The following ARL8B variants were observed in gnomAD, a reference collection of about 807,000 sequenced individuals.
ARL8B encodes ADP-ribosylation factor-like protein 8B.
In ARL8B, 9 loss-of-function variants were observed where a neutral mutation model predicts 30.6. That is an observed-to-expected ratio of 0.29 (90% CI 0.18 to 0.51). The LOEUF (loss-of-function observed/expected upper bound fraction) is 0.51, where lower values mean the gene tolerates loss of function less well. Ranked by LOEUF, ARL8B falls within the 20% of genes least tolerant of loss-of-function variation. The pLI is 0.97. For missense variants in ARL8B, 130 were observed against 227.2 expected (o/e 0.57, Z 2.75); for synonymous variants, 74 against 76.0 (o/e 0.97, Z 0.14).
intron 1 of ARL8B, among the ~76,000 whole-genome samples, chr3:5,129,249 A>T (rs907167356): frequency 6.6e-6 from 1 of 151,996 alleles, no homozygotes; most frequent in African/African-American, 2.4e-5. Context: ...ATCTTGGCAC[A>T]CTGCAACCTC....
rs1287957624 is a variant in ARL8B, at chr3:5,166,353, T to A, written c.124-4150T>A. On this transcript the variant is annotated intron_variant, in intron 1 of 6. Coordinates refer to ENST00000256496, the MANE Select transcript of ARL8B (RefSeq NM_018184.3). ...GCGCCTGGCTGGTATCTTTCGTTTT[T>A]TTTTTTTTTTTTTTGGTAATGCTCT... Among the ~76,000 whole-genome samples, 3 of 147,820 alleles carry A rather than the reference T, an allele frequency of 2.0e-5. No homozygotes were observed. The East Asian group carries it at 5.9e-4, about 29-fold the overall frequency.
chr3:5,122,452 T>C lies in ARL8B; in HGVS notation c.-14T>C. ...CGTCCGTCCTCCCGTCCGTTCTCGC[T>C]CCCGGCCGCCATCATGCTGGCGCTC... is the stretch of plus-strand genomic sequence containing the variant. On this transcript the variant is annotated 5_prime_UTR_variant, in exon 1 of 7. Coordinates refer to ENST00000256496, the MANE Select transcript of ARL8B (RefSeq NM_018184.3). The C allele has an allele frequency of 6.2e-7, 1 of 1,612,378 alleles. No individual in the cohort carries two copies. The highest frequency in any genetic ancestry group is 1.1e-5 in the South Asian group (1 of 91,006).
intron 1 of ARL8B, among the ~76,000 whole-genome samples, chr3:5,169,840 A>G (rs1271739967): frequency 6.6e-6 from 1 of 152,234 alleles, no homozygotes; most frequent in East Asian, 1.9e-4. Flanking sequence ...TCTGAAGTTA[A>G]TAAAACTCCA....
At chr3:5,128,511 A>G (rs1180233451) in intron 1 of ARL8B, 9 of 445,232 alleles carry the variant, frequency 2.0e-5, no homozygotes, top group Admixed American at 7.5e-5. Context: ...TTAGAGTGCA[A>G]TAATGCATTC....
intron 1 of ARL8B, among the ~76,000 whole-genome samples, chr3:5,148,478 C>T (rs1333823887): frequency 6.6e-6 from 1 of 152,196 alleles, no homozygotes; most frequent in Admixed American, 6.5e-5. Context: ...TCTAACCCTC[C>T]TGCTGCCCCT....
chr3:5,152,883 C>T (rs986666479), intron 1 of ARL8B, among the ~76,000 whole-genome samples: 1 of 152,096 alleles, frequency 6.6e-6, no homozygotes, highest in Non-Finnish European at 1.5e-5. Context: ...TAGACCATTG[C>T]CTTTTAATGT....
In ARL8B at chr3:5,131,483, C is replaced by G. The variant is rs896585944; in HGVS notation, c.123+8895C>G. ...TCGGCTCACTGCAACCTCCGCCTCC[C>G]GAGTTCAAGCGATTCTCCTGCCTCA... is the stretch of plus-strand genomic sequence containing the variant. On this transcript the variant is annotated intron_variant, in intron 1 of 6. Transcript: ENST00000256496. 9.9e-5 allele frequency among the ~76,000 whole-genome samples: 15 copies of G among 151,052 alleles called. No individual in the cohort carries two copies. The East Asian group carries it at 2.2e-3, about 22-fold the overall frequency.
At chr3:5,128,434 C>T (rs2054251570) in intron 1 of ARL8B, 3 of 453,452 alleles carry the variant, frequency 6.6e-6, no homozygotes, top group African/African-American at 4.0e-5. Context: ...TTCATCCCCG[C>T]TCCAATTATT....
In ARL8B at chr3:5,180,006, T is replaced by G. The variant is rs577768060; in HGVS notation, c.*1293T>G. The G allele has an allele frequency of 2.0e-5, 3 of 152,786 alleles. No homozygotes were observed. Among genetic ancestry groups the G allele is most frequent in the Admixed American group, 2.0e-4 (3 of 15,308 alleles). 9.5% of individuals were successfully genotyped at this position (152,786 alleles called of 1,614,324 possible). ...TATTAATACTGGTTCATTTGTAAAT[T>G]ATTATTCATATAGACCACTGTAGTA... is the stretch of plus-strand genomic sequence containing the variant. On this transcript the variant is annotated 3_prime_UTR_variant, in exon 7 of 7. Transcript: ENST00000256496.
intron 1 of ARL8B, among the ~76,000 whole-genome samples, chr3:5,127,790 G>A (rs1366636663): frequency 2.7e-5 from 4 of 145,626 alleles, no homozygotes; most frequent in Middle Eastern, 3.3e-3. Flanking sequence ...GGAGAATGGC[G>A]TGAACCTTGG....
chr3:5,144,114 C>T (rs1370144222), intron 1 of ARL8B, among the ~76,000 whole-genome samples: 1 of 152,158 alleles, frequency 6.6e-6, no homozygotes, highest in Non-Finnish European at 1.5e-5. Flanking sequence ...CCTTAATACC[C>T]TTGAGGTAAA....
At chr3:5,172,286 AT>A in intron 3 of ARL8B, 63 bp downstream of exon 3, 1 of 1,427,902 alleles carries the variant, frequency 7.0e-7, no homozygotes, top group Non-Finnish European at 9.7e-7. Flanking sequence ...AAGAAAGTTT[AT>A]TTTAGTATTT....
chr3:5,180,267 C>T lies in ARL8B; in HGVS notation c.*1554C>T, dbSNP rs1403699364. 2 of 152,642 alleles carry T rather than the reference C, an allele frequency of 1.3e-5. No individual in the cohort carries two copies. 9.5% of individuals were successfully genotyped at this position (152,642 alleles called of 1,614,324 possible). ...TGCACAGACACTACTTGCTTTTCTC[C>T]ATTCATATTTTTATGAGTAGAATCT... is the stretch of plus-strand genomic sequence containing the variant. On this transcript the variant is annotated 3_prime_UTR_variant, in exon 7 of 7. Transcript: ENST00000256496.
At chr3:5,152,826 T>C (rs2054496410) in intron 1 of ARL8B, among the ~76,000 whole-genome samples, 1 of 152,132 alleles carries the variant, frequency 6.6e-6, no homozygotes, top group South Asian at 2.1e-4. Flanking sequence ...GTTGGGTCTT[T>C]TTAAAAAAAT....
chr3:5,129,255 A>G lies in ARL8B; in HGVS notation c.123+6667A>G, dbSNP rs1001632286. Among the ~76,000 whole-genome samples the G allele has an allele frequency of 5.3e-5, 8 of 151,510 alleles. No homozygotes were observed. In the East Asian group the frequency reaches 1.4e-3, roughly 26 times the overall value. The stretch of plus-strand genomic sequence containing the variant: ...AGTGGTGTGATCTTGGCACACTGCA[A>G]CCTCCACCTCTCGGGTTCAAGCAAT... On this transcript the variant is annotated intron_variant, in intron 1 of 6. Coordinates refer to ENST00000256496, the MANE Select transcript of ARL8B (RefSeq NM_018184.3).
At chr3:5,129,010 G>A (rs1484190897) in intron 1 of ARL8B, among the ~76,000 whole-genome samples, 1 of 128,582 alleles carries the variant, frequency 7.8e-6, no homozygotes, top group Non-Finnish European at 1.6e-5. Context: ...GACATTTGAG[G>A]GATTTTTCCT....
chr3:5,142,624 T>G (rs1280733672), intron 1 of ARL8B, among the ~76,000 whole-genome samples: 1 of 152,214 alleles, frequency 6.6e-6, no homozygotes, highest in African/African-American at 2.4e-5. Flanking sequence ...TGTCTCAATT[T>G]CTAAGGTTTG....
chr3:5,156,712 G>A (rs751249343), intron 1 of ARL8B, among the ~76,000 whole-genome samples: 8 of 151,946 alleles, frequency 5.3e-5, no homozygotes, highest in South Asian at 2.1e-4. Flanking sequence ...CACCATGCCC[G>A]GCCTCAAATG....
Position 5,167,098 on chromosome 3 carries a change from T to G in ARL8B, c.124-3405T>G, listed in dbSNP as rs967167947. ...ATAATTGTTAATAAGATTCCCTGAC[T>G]TTGAGAATAATCTTCTTTTCACCAT... On this transcript the variant is annotated intron_variant, in intron 1 of 6. Transcript: ENST00000256496. Among the ~76,000 whole-genome samples, 8 of 152,320 alleles carry G rather than the reference T, an allele frequency of 5.3e-5. No homozygotes were observed. The East Asian group carries it at 1.5e-3, about 29-fold the overall frequency.
Sources: gnomAD v4.1 joint callset for allele counts (sites outside exome capture counted in the v4.1 genomes callset) on GRCh38, gnomAD v4.1.1 for gene constraint, MANE v1.5 for transcripts, NCBI Gene and HGNC (gene_info 2026-07-23, HGNC 2026-07-21) for gene names.